Variants in AGMO observed in about 807,000 individuals in gnomAD.
The protein encoded by AGMO is alkylglycerol monooxygenase.
In AGMO, 75 loss-of-function variants were observed where a neutral mutation model predicts 60.2. The ratio of observed to expected loss-of-function variants is 1.25; its 90% CI spans 1.03 to 1.51. AGMO has a LOEUF of 1.51. Among genes scored for constraint, AGMO ranks in the 40% most tolerant of loss-of-function variants. The probability of loss-of-function intolerance (pLI) is 0.00; values close to 1 mark genes in which losing one functional copy is unlikely to be tolerated. For missense variants in AGMO, 763 were observed against 525.5 expected (o/e 1.45, Z -4.42); for synonymous variants, 261 against 177.1 (o/e 1.47, Z -3.76).
At chr7:15,361,092 G>A (rs2128559272) in intron 12 of AGMO, among the ~76,000 whole-genome samples, 1 of 152,184 alleles carries the variant, frequency 6.6e-6, no homozygotes, top group African/African-American at 2.4e-5. Flanking sequence ...ATGAATAGGA[G>A]CCATAGGACA....
the AGMO span, among the ~76,000 whole-genome samples, chr7:15,148,901 C>T: frequency 6.6e-6 from 1 of 152,082 alleles, no homozygotes; most frequent in African/African-American, 2.4e-5. Context: ...AACTGCTGTC[C>T]ACGGTGGGTA....
rs959602737 is a variant in AGMO at position 15,382,732 on chromosome 7, A to G, written c.1074+2714T>C. Among the ~76,000 whole-genome samples, 4 of 152,100 alleles carry G rather than the reference A, an allele frequency of 2.6e-5. No individual in the cohort carries two copies. The East Asian group carries it at 7.7e-4, about 29-fold the overall frequency. On this transcript the variant is annotated intron_variant, in intron 10 of 12. Transcript: ENST00000342526. Reference sequence around the variant, plus strand: ...AATCAATCCTGGAAACACTTGCCATATTCCGGACAAATTTAATTGAATATT... The same window carrying G: ...AATCAATCCTGGAAACACTTGCCATGTTCCGGACAAATTTAATTGAATATT...
chr7:15,239,880 AT>A (rs754677842), intron 12 of AGMO, among the ~76,000 whole-genome samples: 6 of 152,106 alleles, frequency 3.9e-5, no homozygotes, highest in Admixed American at 6.5e-5. Context: ...AGACCTTATG[AT>A]TTTGTCTAGG....
At chr7:15,381,472 T>C (rs1047336578) in intron 10 of AGMO, among the ~76,000 whole-genome samples, 1 of 151,810 alleles carries the variant, frequency 6.6e-6, no homozygotes, top group African/African-American at 2.4e-5. Context: ...AAAACCACAA[T>C]GGTGTACCAT....
At chr7:15,267,663 C>A (rs1004064014) in intron 12 of AGMO, among the ~76,000 whole-genome samples, 1 of 151,898 alleles carries the variant, frequency 6.6e-6, no homozygotes, top group African/African-American at 2.4e-5. Flanking sequence ...AGCTTCTACC[C>A]ATTTTAATGA....
intron 12 of AGMO, among the ~76,000 whole-genome samples, chr7:15,342,661 G>T (rs1478559139): frequency 6.6e-6 from 1 of 151,172 alleles, no homozygotes; most frequent in African/African-American, 2.4e-5. Flanking sequence ...GCGCGCGTGT[G>T]TGTGTGTAAA....
intron 12 of AGMO, among the ~76,000 whole-genome samples, chr7:15,234,564 T>C (rs1782363629): frequency 6.6e-6 from 1 of 152,182 alleles, no homozygotes; most frequent in Non-Finnish European, 1.5e-5. Context: ...GTTTTTCTTA[T>C]AGCATAAAAT....
chr7:15,380,150 A>C (rs1046222959), intron 10 of AGMO, among the ~76,000 whole-genome samples: 16 of 152,088 alleles, frequency 1.1e-4, no homozygotes, highest in Non-Finnish European at 2.9e-5. Flanking sequence ...ATAGTATTTT[A>C]AGTTCTGGGC....
intron 8 of AGMO, among the ~76,000 whole-genome samples, chr7:15,389,477 C>G (rs906580635): frequency 6.6e-6 from 1 of 152,180 alleles, no homozygotes; most frequent in African/African-American, 2.4e-5. Context: ...TAAGTTTAAT[C>G]AAGATACAGA....
At chr7:15,128,307 A>G in the AGMO span, among the ~76,000 whole-genome samples, 2 of 152,152 alleles carry the variant, frequency 1.3e-5, no homozygotes, top group African/African-American at 4.8e-5. Context: ...AAAGAAAAGG[A>G]AGAGATGAAT....
chr7:15,183,548 A>T, the AGMO span, among the ~76,000 whole-genome samples: 6 of 152,214 alleles, frequency 3.9e-5, no homozygotes, highest in Non-Finnish European at 8.8e-5. Flanking sequence ...CAGTTCAGTA[A>T]TCTAAGATTC....
chr7:15,344,408 C>A (rs984512307), intron 12 of AGMO, among the ~76,000 whole-genome samples: 5 of 152,104 alleles, frequency 3.3e-5, no homozygotes, highest in Admixed American at 6.6e-5. Flanking sequence ...AACTTAAAAT[C>A]TGGATGCTAG....
At chr7:15,262,999 C>G (rs79153961) in intron 12 of AGMO, among the ~76,000 whole-genome samples, 9,571 of 152,068 alleles carry the variant, frequency 0.063, 473 homozygotes, top group South Asian at 0.19. Flanking sequence ...TTGTAAAAAC[C>G]CTTCTAGACA....
intron 3 of AGMO, among the ~76,000 whole-genome samples, chr7:15,495,943 G>A (rs1466578496): frequency 6.6e-6 from 1 of 151,764 alleles, no homozygotes; most frequent in Admixed American, 6.6e-5. Flanking sequence ...CATTGTGAGA[G>A]TCTCATTGTC....
chr7:15,554,293 G>A (rs568131225), intron 2 of AGMO, among the ~76,000 whole-genome samples: 5 of 152,060 alleles, frequency 3.3e-5, no homozygotes, highest in African/African-American at 1.2e-4. Flanking sequence ...GTGGGAAGAG[G>A]CATATAAAAT....
At chr7:15,237,955 T>A (rs1314952130) in intron 12 of AGMO, among the ~76,000 whole-genome samples, 1 of 152,098 alleles carries the variant, frequency 6.6e-6, no homozygotes, top group African/African-American at 2.4e-5. Context: ...CTCTTATTTA[T>A]CCCAGTTTCT....
intron 12 of AGMO, among the ~76,000 whole-genome samples, chr7:15,332,809 A>G (rs1325204283): frequency 6.6e-6 from 1 of 152,122 alleles, no homozygotes; most frequent in Non-Finnish European, 1.5e-5. Flanking sequence ...AATATATTTC[A>G]CCTTTTTAAA....
the AGMO span, among the ~76,000 whole-genome samples, chr7:15,122,348 G>A: frequency 6.6e-6 from 1 of 152,060 alleles, no homozygotes; most frequent in Non-Finnish European, 1.5e-5. Flanking sequence ...CATTGTTCCT[G>A]TGTACTTCTG....
At chr7:15,333,065 A>T (rs1781545961) in intron 12 of AGMO, among the ~76,000 whole-genome samples, 1 of 152,160 alleles carries the variant, frequency 6.6e-6, no homozygotes. Flanking sequence ...CAGAAAATTG[A>T]ACTCAACTCT....
Sources: allele counts gnomAD v4.1 joint callset (sites outside exome capture counted in the v4.1 genomes callset), GRCh38; gene constraint gnomAD v4.1.1; transcripts MANE v1.5; gene names NCBI Gene and HGNC (gene_info 2026-07-23, HGNC 2026-07-21).